IFFO2: variants seen among roughly 807,000 people sequenced by gnomAD.
IFFO2 encodes intermediate filament family orphan 2.
IFFO2 carries 19 observed loss-of-function variants against 53.5 expected under a neutral mutation model. That is an observed-to-expected ratio of 0.36 (90% CI 0.25 to 0.52). The LOEUF (loss-of-function observed/expected upper bound fraction) is 0.52, where lower values mean the gene tolerates loss of function less well. Among genes scored for constraint, IFFO2 ranks in the 20% least tolerant of loss-of-function variants. The pLI is 0.94. For missense variants in IFFO2, 570 were observed against 727.4 expected, an observed-to-expected ratio of 0.78 and a Z score of 2.49; for synonymous variants, 303 against 313.6, an observed-to-expected ratio of 0.97 and a Z score of 0.36.
chr1:18,929,523 G>T (rs1050054881), intron 1 of IFFO2, among the ~76,000 whole-genome samples: 2 of 152,150 alleles, frequency 1.3e-5, no homozygotes, highest in Non-Finnish European at 2.9e-5. Context: ...CGCCAGGCAG[G>T]GGGGATGAGC....
chr1:18,916,604 A>G lies in IFFO2; in HGVS notation c.1103+299T>C, dbSNP rs925914143. On this transcript the variant is annotated intron_variant, in intron 5 of 8. Coordinates refer to ENST00000455833, the MANE Select transcript of IFFO2 (RefSeq NM_001136265.2). This position sits in a 1 kb window ranked among gnomAD's most constrained non-coding sequence, Gnocchi z 4.3. The stretch of plus-strand genomic sequence containing the variant: ...AACACAGTGAGACCCTGTCTCTACA[A>G]AAAAATTTAAAAATTAGCTGGGCAT... Among the ~76,000 whole-genome samples, 1 of 152,152 alleles carries G rather than the reference A, an allele frequency of 6.6e-6. No homozygotes were observed. Among genetic ancestry groups the G allele is most frequent in the East Asian group, 1.9e-4 (1 of 5,184 alleles).
Position 18,905,303 on chromosome 1 carries a change from G to T in IFFO2, c.*3258C>A, listed in dbSNP as rs1935931218. On this transcript the variant is annotated 3_prime_UTR_variant, in exon 9 of 9. Transcript: ENST00000455833. ...ACCAAAAGTGAGGACAGAAGACGAG[G>T]CCGGGGGACAGGAATGGGTTCCATT... 1 of 152,240 alleles carries T rather than the reference G, an allele frequency of 6.6e-6. No homozygotes were observed. The highest frequency in any genetic ancestry group is 1.5e-5 in the Non-Finnish European group (1 of 68,076). 9.4% of individuals were successfully genotyped at this position (152,240 alleles called of 1,614,324 possible).
chr1:18,949,322 G>A (rs988845193), intron 1 of IFFO2, among the ~76,000 whole-genome samples: 2 of 152,240 alleles, frequency 1.3e-5, no homozygotes, highest in African/African-American at 2.4e-5. Flanking sequence ...GCTTCCAGTC[G>A]ATGCAGGGGC....
At chr1:18,913,827 TTTTGTTTG>T (rs200901048) in intron 5 of IFFO2, among the ~76,000 whole-genome samples, 2 of 147,966 alleles carry the variant, frequency 1.4e-5, no homozygotes, top group Non-Finnish European at 3.0e-5. Flanking sequence ...GTTGTTGTTT[TTTTGTTTG>T]TTTGTTTGTT....
At chr1:18,908,943 C>G (rs369388818) in intron 8 of IFFO2, among the ~76,000 whole-genome samples, 1 of 152,222 alleles carries the variant, frequency 6.6e-6, no homozygotes, top group Admixed American at 6.5e-5. Context: ...TCTCCAAGCA[C>G]CTAACCCATG....
In IFFO2 at chr1:18,907,451, G is replaced by C. The variant is rs1216690410; in HGVS notation, c.*1110C>G. The C allele has an allele frequency of 6.6e-6, 1 of 152,530 alleles. No individual in the cohort carries two copies. The highest frequency in any genetic ancestry group is 1.9e-4 in the East Asian group (1 of 5,204). 9.4% of individuals were successfully genotyped at this position (152,530 alleles called of 1,614,324 possible). ...TGCCAGCAGCCAAAAGCAGGCAACT[G>C]CCGGACAGTCCTAACCCAAGGCGGG... is the stretch of plus-strand genomic sequence containing the variant. On this transcript the variant is annotated 3_prime_UTR_variant, in exon 9 of 9. Coordinates refer to ENST00000455833, the MANE Select transcript of IFFO2 (RefSeq NM_001136265.2).
chr1:18,930,360 C>T (rs186555907), intron 1 of IFFO2, among the ~76,000 whole-genome samples: 10 of 152,216 alleles, frequency 6.6e-5, no homozygotes, highest in African/African-American at 2.4e-4. Flanking sequence ...GCCATCTGAC[C>T]CCAGAGCCAC....
Position 18,919,596 on chromosome 1 carries a change from C to T in IFFO2, c.822+82G>A, listed in dbSNP as rs940375801. The stretch of plus-strand genomic sequence containing the variant: ...AGGATTCTAACTAGAAGCCGAGCCC[C>T]GGAGCCTCGGAGGGAATGAAGCATT... On this transcript the variant is annotated intron_variant, in intron 3 of 8. Transcript: ENST00000455833. The surrounding 1 kb of genome is among the most constrained non-coding windows in gnomAD (Gnocchi z 4.9). The T allele has an allele frequency of 8.6e-6, 8 of 931,620 alleles. No homozygotes were observed. The highest frequency in any genetic ancestry group is 3.3e-5 in the African/African-American group (2 of 61,086). The allele number at this position is 931,620 out of a possible 1,614,324, so 57.7% of individuals were successfully genotyped here. A position where few individuals can be genotyped will look rare whatever the true frequency, so the allele number is the denominator to read the frequency against.
At chr1:18,925,984 A>T (rs1230484650) in intron 1 of IFFO2, among the ~76,000 whole-genome samples, 2 of 135,108 alleles carry the variant, frequency 1.5e-5, no homozygotes, top group Admixed American at 7.4e-5. Flanking sequence ...GGATGGATGG[A>T]TGGATGGATG....
intron 1 of IFFO2, among the ~76,000 whole-genome samples, chr1:18,950,132 G>A (rs1936641161): frequency 6.6e-6 from 1 of 152,202 alleles, no homozygotes; most frequent in African/African-American, 2.4e-5. Context: ...GGGGGATGGC[G>A]AGAGATTTCC....
At chr1:18,933,898 A>G (rs1049817114) in intron 1 of IFFO2, among the ~76,000 whole-genome samples, 4 of 151,916 alleles carry the variant, frequency 2.6e-5, no homozygotes, top group African/African-American at 9.7e-5. Flanking sequence ...CAAAACTGCA[A>G]CTGTGCCTGT....
intron 1 of IFFO2, among the ~76,000 whole-genome samples, chr1:18,944,356 G>A (rs1936558875): frequency 6.6e-6 from 1 of 152,130 alleles, no homozygotes; most frequent in Admixed American, 6.5e-5. Context: ...AGGTGTGAGG[G>A]AGAAGGGACA....
intron 1 of IFFO2, among the ~76,000 whole-genome samples, chr1:18,927,566 C>G (rs921089380): frequency 6.6e-6 from 1 of 152,220 alleles, no homozygotes; most frequent in Non-Finnish European, 1.5e-5. Flanking sequence ...TTTGGCCCAG[C>G]CAATGCCCCT....
chr1:18,926,000 AT>A (rs145946592), intron 1 of IFFO2, among the ~76,000 whole-genome samples: 17 of 9,186 alleles, frequency 1.9e-3, no homozygotes, highest in African/African-American at 3.4e-3. Flanking sequence ...GGATGGATGG[AT>A]TGGTTGGATG....
chr1:18,942,164 G>A (rs908901769), intron 1 of IFFO2, among the ~76,000 whole-genome samples: 4 of 152,196 alleles, frequency 2.6e-5, no homozygotes, highest in Non-Finnish European at 5.9e-5. Context: ...ACAGGGTGTT[G>A]GTGAGCCTGA....
chr1:18,911,286 GC>G, intron 7 of IFFO2, 97 bp downstream of exon 7: 1 of 553,480 alleles, frequency 1.8e-6, no homozygotes, highest in South Asian at 4.9e-5. Context: ...CACTCTACCA[GC>G]CCCTGCCCAT....
chr1:18,931,056 T>C (rs1222899112), intron 1 of IFFO2, among the ~76,000 whole-genome samples: 2 of 152,084 alleles, frequency 1.3e-5, no homozygotes, highest in Admixed American at 6.6e-5. Flanking sequence ...CCTGTAGTCC[T>C]AGCTACTTGG....
intron 1 of IFFO2, among the ~76,000 whole-genome samples, chr1:18,923,519 C>T (rs1236073383): frequency 6.6e-6 from 1 of 152,214 alleles, no homozygotes; most frequent in African/African-American, 2.4e-5. Flanking sequence ...CCCCACACAC[C>T]CGGCTCACTG....
chr1:18,940,893 C>A (rs145223628), intron 1 of IFFO2, among the ~76,000 whole-genome samples: 6 of 152,316 alleles, frequency 3.9e-5, no homozygotes, highest in Admixed American at 2.0e-4. Flanking sequence ...CAAGTCCCCC[C>A]CAAAAGCCAT....
Sources: allele counts gnomAD v4.1 joint callset (sites outside exome capture counted in the v4.1 genomes callset), GRCh38; gene constraint gnomAD v4.1.1; non-coding constraint Gnocchi (gnomAD v3.1); transcripts MANE v1.5; gene names NCBI Gene and HGNC (gene_info 2026-07-23, HGNC 2026-07-21).